PSD3: variants seen among roughly 807,000 people sequenced by gnomAD.
The protein encoded by PSD3 is PH and SEC7 domain-containing protein 3.
Under a neutral mutation model 105.5 loss-of-function variants are expected in PSD3, and 49 were observed. That is an observed-to-expected ratio of 0.46 (90% CI 0.37 to 0.59). PSD3 has a LOEUF of 0.59. Among genes scored for constraint, PSD3 ranks in the 20% least tolerant of loss-of-function variants. The pLI is 0.00. For synonymous variants in PSD3, 557 were observed against 457.8 expected (o/e 1.22, Z -2.77); for missense variants, 1,561 against 1,263.8 (o/e 1.24, Z -3.57).
At chr8:18,657,396 T>G (rs540126845) in intron 9 of PSD3, among the ~76,000 whole-genome samples, 5 of 152,358 alleles carry the variant, frequency 3.3e-5, no homozygotes, top group African/African-American at 1.2e-4. Flanking sequence ...AAGTTCTCAA[T>G]TGTGGCTTCA....
At chr8:19,029,828 A>C (rs1405145603) in intron 1 of PSD3, among the ~76,000 whole-genome samples, 3 of 152,128 alleles carry the variant, frequency 2.0e-5, no homozygotes, top group Non-Finnish European at 4.4e-5. Flanking sequence ...TTCACTAATA[A>C]ATTTTATTTT....
intron 9 of PSD3, among the ~76,000 whole-genome samples, chr8:18,748,963 G>A (rs1287117421): frequency 8.5e-5 from 13 of 152,198 alleles, no homozygotes; most frequent in African/African-American, 3.1e-4. Context: ...TTAGAAATAA[G>A]AAAATCAGAT....
chr8:18,838,715 T>G (rs770933546), intron 4 of PSD3, among the ~76,000 whole-genome samples: 15 of 151,430 alleles, frequency 9.9e-5, no homozygotes, highest in Admixed American at 6.6e-4. Context: ...GGCAGGAGAA[T>G]GGCGTGAACC....
At chr8:18,943,274 T>C (rs547402894) in intron 1 of PSD3, among the ~76,000 whole-genome samples, 15 of 152,078 alleles carry the variant, frequency 9.9e-5, no homozygotes, top group Non-Finnish European at 1.6e-4. Flanking sequence ...AAGGGAGACG[T>C]CCAGTGTAAA....
rs77593772 is a variant in PSD3 at position 18,846,183 on chromosome 8, G to A, written c.1634+21491C>T. Reference sequence around the variant, plus strand: ...AGCCATTTAACGCATGTGTTTGACCGTATCAGTAGCAATACAAATGTTTTG... The same window carrying A: ...AGCCATTTAACGCATGTGTTTGACCATATCAGTAGCAATACAAATGTTTTG... On this transcript the variant is annotated intron_variant, in intron 4 of 15. Coordinates refer to ENST00000327040, the MANE Select transcript of PSD3 (RefSeq NM_015310.4). Among the ~76,000 whole-genome samples, 17 of 152,154 alleles carry A rather than the reference G, an allele frequency of 1.1e-4. No homozygotes were observed. In the East Asian group the frequency reaches 1.9e-3, roughly 17 times the overall value.
chr8:18,940,537 A>G (rs991462334), intron 1 of PSD3: 8 of 152,230 alleles, frequency 5.3e-5, no homozygotes, highest in Admixed American at 5.2e-4. Flanking sequence ...TGCTCCATTA[A>G]CATACTCCAC....
intron 9 of PSD3, among the ~76,000 whole-genome samples, chr8:18,755,178 C>G (rs1237616784): frequency 6.6e-6 from 1 of 152,086 alleles, no homozygotes; most frequent in Non-Finnish European, 1.5e-5. Context: ...CCTGTAATCC[C>G]AGTACTTTGG....
intron 14 of PSD3, among the ~76,000 whole-genome samples, chr8:18,559,443 T>A (rs185760224): frequency 1.1e-4 from 16 of 152,320 alleles, no homozygotes; most frequent in African/African-American, 3.4e-4. Flanking sequence ...TCTATTGGGT[T>A]GTTTGCCTTT....
At chr8:18,817,986 C>T (rs570971770) in intron 4 of PSD3, among the ~76,000 whole-genome samples, 2 of 152,326 alleles carry the variant, frequency 1.3e-5, no homozygotes, top group African/African-American at 4.8e-5. Flanking sequence ...CGGAGTCTCA[C>T]TCTGTCGCCC....
At chr8:18,938,655 G>C (rs1264752139) in intron 1 of PSD3, among the ~76,000 whole-genome samples, 1 of 151,740 alleles carries the variant, frequency 6.6e-6, no homozygotes, top group Non-Finnish European at 1.5e-5. Context: ...AGAGGGAAAG[G>C]GGAGATTAAG....
At chr8:18,605,931 C>T (rs533560812) in intron 11 of PSD3, among the ~76,000 whole-genome samples, 3 of 152,236 alleles carry the variant, frequency 2.0e-5, no homozygotes, top group South Asian at 4.2e-4. Context: ...TGAGCAGATG[C>T]CAGCATCATG....
At chr8:19,001,267 TTC>T (rs1352386220) in intron 1 of PSD3, among the ~76,000 whole-genome samples, 27 of 151,640 alleles carry the variant, frequency 1.8e-4, no homozygotes, top group African/African-American at 6.1e-4. Context: ...GCTAAATTTT[TTC>T]TTTTTTGTAG....
intron 2 of PSD3, among the ~76,000 whole-genome samples, chr8:18,909,242 A>C (rs2129463328): frequency 6.6e-6 from 1 of 152,272 alleles, no homozygotes; most frequent in African/African-American, 2.4e-5. Flanking sequence ...TAGCTTGCAA[A>C]GCTCCTGATG....
intron 15 of PSD3, among the ~76,000 whole-genome samples, chr8:18,542,141 A>C (rs1165253702): frequency 6.6e-6 from 1 of 152,248 alleles, no homozygotes; most frequent in Non-Finnish European, 1.5e-5. Flanking sequence ...GGACCACTGT[A>C]GGTGGACTCC....
At chr8:18,801,225 A>G (rs376923893) in intron 7 of PSD3, 45 bp downstream of exon 7, 2 of 1,205,388 alleles carry the variant, frequency 1.7e-6, no homozygotes. Flanking sequence ...TAAGGAAAAT[A>G]ACCATTGATA....
chr8:18,788,500 G>A, intron 8 of PSD3, among the ~76,000 whole-genome samples: 1 of 152,176 alleles, frequency 6.6e-6, no homozygotes, highest in East Asian at 1.9e-4. Context: ...TGCGAATAGG[G>A]CAGCTGTGTC....
chr8:19,030,957 CTG>C (rs1249967154), intron 1 of PSD3, among the ~76,000 whole-genome samples: 1 of 152,154 alleles, frequency 6.6e-6, no homozygotes, highest in Non-Finnish European at 1.5e-5. Flanking sequence ...AGAAACAGTC[CTG>C]TGTGTTTCTC....
Position 18,892,194 on chromosome 8 carries a change from A to ACACACAC in PSD3, c.131-19462_131-19461insGTGTGTG, listed in dbSNP as rs1563391051. ...TTACAATCACACACACACACACACA[A>ACACACAC]ACTTTATTTTCTATTAATATAAACC... On this transcript the variant is annotated intron_variant, in intron 2 of 15. Coordinates refer to ENST00000327040, the MANE Select transcript of PSD3 (RefSeq NM_015310.4). 2.7e-3 allele frequency among the ~76,000 whole-genome samples: 251 copies of ACACACAC among 93,852 alleles called. 6 individuals carry two copies. The highest frequency in any genetic ancestry group is 0.023 in the Admixed American group (222 of 9,552). The allele number at this position is 93,852 out of a possible 152,430, so 61.6% of individuals were successfully genotyped here.
At chr8:19,053,315 C>G (rs1406475732) in intron 1 of PSD3, among the ~76,000 whole-genome samples, 2 of 151,952 alleles carry the variant, frequency 1.3e-5, no homozygotes, top group Non-Finnish European at 2.9e-5. Context: ...CGCACTGCGT[C>G]CCCTGCCCCC....
Sources: gnomAD v4.1 joint callset for allele counts (sites outside exome capture counted in the v4.1 genomes callset) on GRCh38, gnomAD v4.1.1 for gene constraint, MANE v1.5 for transcripts, NCBI Gene and HGNC (gene_info 2026-07-23, HGNC 2026-07-21) for gene names.